AZIN1: variants seen among roughly 807,000 people sequenced by gnomAD.
The protein encoded by AZIN1 is ornithine decarboxylase antizyme inhibitor.
Under a neutral mutation model 47.4 loss-of-function variants are expected in AZIN1, and 12 were observed. That is an observed-to-expected ratio of 0.25 (90% CI 0.16 to 0.41). The LOEUF is 0.41. Among genes scored for constraint, AZIN1 ranks in the 10% least tolerant of loss-of-function variants. The probability of loss-of-function intolerance (pLI) is 1.00; values close to 1 mark genes in which losing one functional copy is unlikely to be tolerated. For missense variants in AZIN1, 410 were observed against 532.4 expected (o/e 0.77, Z 2.26); for synonymous variants, 155 against 176.3 (o/e 0.88, Z 0.96).
intron 2 of AZIN1, chr8:102,854,603 AAAAAATATAT>A (rs1202332549): frequency 8.1e-6 from 1 of 123,872 alleles, no homozygotes; most frequent in Non-Finnish European, 1.7e-5. Context: ...TCAAAAAAAA[AAAAAATATAT>A]ATATATATAT....
At chr8:102,839,921 A>C in intron 3 of AZIN1, 98 bp from the exon 4 acceptor site, 1 of 797,996 alleles carries the variant, frequency 1.3e-6, no homozygotes. Flanking sequence ...CCACAAATAT[A>C]TGGGTCAAGA....
intron 2 of AZIN1, chr8:102,856,078 G>A (rs1813264881): frequency 6.9e-6 from 1 of 145,936 alleles, no homozygotes; most frequent in Admixed American, 7.1e-5. Flanking sequence ...CACAGATCCA[G>A]GTCAAGTTTT....
chr8:102,862,414 G>T (rs556364891), intron 1 of AZIN1, among the ~76,000 whole-genome samples: 1 of 151,988 alleles, frequency 6.6e-6, no homozygotes, highest in African/African-American at 2.4e-5. Context: ...AAAACCTTGG[G>T]GGAGAAAGGC....
At chr8:102,844,273 C>T (rs544947308) in intron 2 of AZIN1, among the ~76,000 whole-genome samples, 3 of 152,138 alleles carry the variant, frequency 2.0e-5, no homozygotes, top group Admixed American at 6.5e-5. Context: ...TTGAGAGGCC[C>T]AGGCCGGTAG....
Position 102,826,394 on chromosome 8 carries a change from C to T in AZIN1, c.*2173G>A, listed in dbSNP as rs1228754360. 6.6e-6 allele frequency: 1 copy of T among 152,602 alleles called. No individual in the cohort carries two copies. Among genetic ancestry groups the T allele is most frequent in the African/African-American group, 2.4e-5 (1 of 41,438 alleles). 9.5% of individuals were successfully genotyped at this position (152,602 alleles called of 1,614,324 possible). On this transcript the variant is annotated 3_prime_UTR_variant, in exon 12 of 12. Coordinates refer to ENST00000337198, the MANE Select transcript of AZIN1 (RefSeq NM_148174.4). ...ACATTTATCTATGTATTCAGAATCA[C>T]ACACAAGTTACCTTTACAGTTCAAT...
intron 5 of AZIN1, among the ~76,000 whole-genome samples, chr8:102,837,946 CT>C (rs982267297): frequency 6.6e-6 from 1 of 151,998 alleles, no homozygotes; most frequent in African/African-American, 2.4e-5. Flanking sequence ...AAAAGTAAAC[CT>C]TTTTATGAGG....
intron 2 of AZIN1, among the ~76,000 whole-genome samples, chr8:102,849,241 T>C (rs1229572246): frequency 6.6e-6 from 1 of 152,084 alleles, no homozygotes; most frequent in Non-Finnish European, 1.5e-5. Context: ...TACAGTGAGC[T>C]GAGATTGTGC....
At chr8:102,852,208 C>T (rs1261037512) in intron 2 of AZIN1, among the ~76,000 whole-genome samples, 1 of 152,136 alleles carries the variant, frequency 6.6e-6, no homozygotes, top group East Asian at 1.9e-4. Context: ...TTTAGGAGAT[C>T]TTTGCAAACT....
At chr8:102,837,993 G>C (rs1435179378) in intron 5 of AZIN1, among the ~76,000 whole-genome samples, 1 of 152,154 alleles carries the variant, frequency 6.6e-6, no homozygotes, top group South Asian at 2.1e-4. Context: ...GAGTGCAGTG[G>C]CTCGATCTTG....
chr8:102,860,259 ATTTAT>A (rs749894066), intron 1 of AZIN1, among the ~76,000 whole-genome samples: 19 of 152,218 alleles, frequency 1.2e-4, no homozygotes, highest in Middle Eastern at 3.4e-3. Flanking sequence ...ATTTTATGTA[ATTTAT>A]TTTATTTTAT....
intron 2 of AZIN1, among the ~76,000 whole-genome samples, chr8:102,856,408 G>C (rs1391831369): frequency 6.6e-6 from 1 of 152,154 alleles, no homozygotes; most frequent in Non-Finnish European, 1.5e-5. Flanking sequence ...TACCCACAAA[G>C]AGGGAGACAC....
chr8:102,850,605 C>T (rs1188568466), intron 2 of AZIN1, among the ~76,000 whole-genome samples: 2 of 152,120 alleles, frequency 1.3e-5, no homozygotes, highest in Non-Finnish European at 2.9e-5. Context: ...ATTTAGTGAT[C>T]ATAAGATCAG....
intron 1 of AZIN1, among the ~76,000 whole-genome samples, chr8:102,863,227 GC>G (rs1161947355): frequency 6.6e-6 from 1 of 151,890 alleles, no homozygotes; most frequent in Non-Finnish European, 1.5e-5. Context: ...CGCTCCCCGC[GC>G]CCCCCAGGAA....
chr8:102,851,307 A>G (rs1302814212), intron 2 of AZIN1, among the ~76,000 whole-genome samples: 2 of 152,248 alleles, frequency 1.3e-5, no homozygotes, highest in African/African-American at 4.8e-5. Flanking sequence ...GGTTACCTTA[A>G]GGCAGAGCTC....
At chr8:102,842,327 TGGGAGGCTGA>T (rs1009003430) in intron 3 of AZIN1, among the ~76,000 whole-genome samples, 3 of 152,178 alleles carry the variant, frequency 2.0e-5, no homozygotes, top group African/African-American at 7.2e-5. Flanking sequence ...TCCAACACTC[TGGGAGGCTGA>T]GGCGGGCAGA....
At chr8:102,857,153 T>C (rs535019182) in intron 2 of AZIN1, among the ~76,000 whole-genome samples, 1 of 152,342 alleles carries the variant, frequency 6.6e-6, no homozygotes, top group Admixed American at 6.5e-5. Context: ...TGTTTCCTTC[T>C]CTTTAGCCTT....
intron 9 of AZIN1, among the ~76,000 whole-genome samples, chr8:102,831,513 C>T (rs899065183): frequency 7.3e-5 from 11 of 150,516 alleles, no homozygotes; most frequent in African/African-American, 2.2e-4. Context: ...TGTGGTGGCA[C>T]GCACCTGTAA....
chr8:102,854,994 C>A (rs1250675186), intron 2 of AZIN1, among the ~76,000 whole-genome samples: 1 of 152,120 alleles, frequency 6.6e-6, no homozygotes, highest in East Asian at 1.9e-4. Context: ...ATTAAACCTA[C>A]AACCAAAATA....
chr8:102,847,164 T>C (rs966507448), intron 2 of AZIN1, among the ~76,000 whole-genome samples: 1 of 152,116 alleles, frequency 6.6e-6, no homozygotes, highest in Non-Finnish European at 1.5e-5. Flanking sequence ...TTGGCAGTAC[T>C]TGACAAAATG....
Sources: gnomAD v4.1 joint callset for allele counts (sites outside exome capture counted in the v4.1 genomes callset) on GRCh38, gnomAD v4.1.1 for gene constraint, MANE v1.5 for transcripts, NCBI Gene and HGNC (gene_info 2026-07-23, HGNC 2026-07-21) for gene names.